GLIS3: variants seen among roughly 807,000 people sequenced by gnomAD.
GLIS3 encodes zinc finger protein GLIS3.
A neutral mutation model predicts 78.6 loss-of-function variants in GLIS3; 53 were observed. The ratio of observed to expected loss-of-function variants is 0.67; its 90% CI spans 0.54 to 0.85. GLIS3 has a LOEUF of 0.85. Among genes scored for constraint, GLIS3 ranks in the 40% least tolerant of loss-of-function variants. The pLI, the probability that GLIS3 is intolerant of heterozygous loss-of-function variation, is 0.00. For missense variants in GLIS3, 1,703 were observed against 1,231.1 expected (o/e 1.38, Z -5.74); for synonymous variants, 684 against 509.9 (o/e 1.34, Z -4.60).
intron 2 of GLIS3, among the ~76,000 whole-genome samples, chr9:4,328,844 C>T (rs1817640729): frequency 6.6e-6 from 1 of 152,214 alleles, no homozygotes; most frequent in African/African-American, 2.4e-5. Flanking sequence ...ACGTGACAAG[C>T]ATCCAATAAA....
chr9:3,991,453 T>C (rs906195330), intron 4 of GLIS3, among the ~76,000 whole-genome samples: 1 of 152,140 alleles, frequency 6.6e-6, no homozygotes, highest in African/African-American at 2.4e-5. Context: ...ACATAACAGC[T>C]GAAGTTGTGA....
the GLIS3 span, among the ~76,000 whole-genome samples, chr9:4,484,691 A>G: frequency 2.0e-5 from 3 of 152,108 alleles, no homozygotes; most frequent in Non-Finnish European, 1.5e-5. Context: ...TGCTGGGATT[A>G]TAGGCGTGAG....
chr9:4,132,102 T>C (rs151052529), intron 2 of GLIS3, among the ~76,000 whole-genome samples: 68 of 152,012 alleles, frequency 4.5e-4, no homozygotes, highest in African/African-American at 1.6e-3. Context: ...AAAAGTTTCC[T>C]GAAAACAAAC....
At chr9:4,011,138 A>C (rs528112772) in intron 4 of GLIS3, among the ~76,000 whole-genome samples, 1 of 152,250 alleles carries the variant, frequency 6.6e-6, no homozygotes, top group Admixed American at 6.5e-5. Context: ...CCTTTAGTAA[A>C]AGCAGAGTCC....
intron 4 of GLIS3, among the ~76,000 whole-genome samples, chr9:4,077,198 TTGAAATTAATAACCTTA>T (rs2130673815): frequency 6.6e-6 from 1 of 152,360 alleles, no homozygotes; most frequent in Non-Finnish European, 1.5e-5. Flanking sequence ...GTCAGCAACT[TTGAAATTAATAACCTTA>T]TAGCTTAATT....
intron 1 of GLIS3, chr9:4,347,228 G>C (rs1490884752): frequency 6.6e-6 from 1 of 152,182 alleles, no homozygotes; most frequent in Non-Finnish European, 1.5e-5. Context: ...GGAAGTGTCA[G>C]ACTCTTCTTA....
At chr9:4,415,042 T>A in the GLIS3 span, among the ~76,000 whole-genome samples, 1 of 152,250 alleles carries the variant, frequency 6.6e-6, no homozygotes, top group South Asian at 2.1e-4. Context: ...ATAAACTGTT[T>A]GAACTGCTTC....
intron 2 of GLIS3, among the ~76,000 whole-genome samples, chr9:4,171,214 T>A (rs1816344235): frequency 6.6e-6 from 1 of 152,194 alleles, no homozygotes; most frequent in South Asian, 2.1e-4. Flanking sequence ...CATATACATA[T>A]AAGTACACTC....
intron 2 of GLIS3, among the ~76,000 whole-genome samples, chr9:4,164,015 T>C (rs187633726): frequency 5.8e-4 from 89 of 152,350 alleles, no homozygotes; most frequent in Admixed American, 2.0e-3. Context: ...TTTAACCTTA[T>C]TTCATAATCT....
chr9:3,968,001 C>T (rs1276877991), intron 4 of GLIS3, among the ~76,000 whole-genome samples: 1 of 152,196 alleles, frequency 6.6e-6, no homozygotes, highest in African/African-American at 2.4e-5. Context: ...ATTACATTTT[C>T]CATTAACTCA....
the GLIS3 span, among the ~76,000 whole-genome samples, chr9:4,472,736 C>G: frequency 6.6e-6 from 1 of 151,906 alleles, no homozygotes; most frequent in East Asian, 1.9e-4. Context: ...TGCACATGTA[C>G]CCTAGAACTT....
intron 6 of GLIS3, among the ~76,000 whole-genome samples, chr9:3,918,600 G>C (rs1045402123): frequency 7.2e-5 from 11 of 152,098 alleles, no homozygotes; most frequent in African/African-American, 2.4e-4. Context: ...TGTCCTTTGA[G>C]ACTCTGACCC....
In GLIS3 at chr9:4,252,519, G is replaced by C. The variant is rs141320937; in HGVS notation, c.388+33519C>G. ...AGCAATTCCTCTAACCTTTTTTCAAGGTTCTTAAATTCCTTGCATTGGGTT... is the reference window on the plus strand; with the variant it reads ...AGCAATTCCTCTAACCTTTTTTCAACGTTCTTAAATTCCTTGCATTGGGTT... On this transcript the variant is annotated intron_variant, in intron 2 of 10. Transcript: ENST00000381971. Among the ~76,000 whole-genome samples, 729 of 151,986 alleles carry C rather than the reference G, an allele frequency of 4.8e-3. 21 individuals are homozygous for C. The highest frequency in any genetic ancestry group is 0.041 in the Admixed American group (633 of 15,278).
intron 2 of GLIS3, among the ~76,000 whole-genome samples, chr9:4,173,689 T>C (rs887809246): frequency 3.4e-4 from 52 of 151,846 alleles, no homozygotes; most frequent in African/African-American, 1.2e-3. Context: ...CTCAACCTCC[T>C]GGGATCAAAA....
chr9:4,301,170 T>C (rs1352010610), upstream of GLIS3, among the ~76,000 whole-genome samples: 3 of 152,168 alleles, frequency 2.0e-5, no homozygotes, highest in Admixed American at 2.0e-4. Flanking sequence ...AAAAGAAGCC[T>C]GGTTTCCACA....
the GLIS3 span, among the ~76,000 whole-genome samples, chr9:4,363,372 G>T: frequency 6.6e-6 from 1 of 152,274 alleles, no homozygotes; most frequent in Admixed American, 6.5e-5. Flanking sequence ...GCAGTGAGCT[G>T]AGATGGCACC....
intron 2 of GLIS3, among the ~76,000 whole-genome samples, chr9:4,217,183 A>C (rs1240008262): frequency 1.3e-5 from 2 of 152,220 alleles, no homozygotes; most frequent in Non-Finnish European, 2.9e-5. Context: ...TCATGAACCC[A>C]AAACCCTAGC....
At chr9:3,891,036 C>G (rs1317823004) in intron 7 of GLIS3, among the ~76,000 whole-genome samples, 1 of 133,874 alleles carries the variant, frequency 7.5e-6, no homozygotes, top group Admixed American at 8.2e-5. Flanking sequence ...TATTCCCAAA[C>G]TTTTAGGCTT....
upstream of GLIS3, among the ~76,000 whole-genome samples, chr9:4,302,739 C>A (rs1166042838): frequency 1.3e-5 from 2 of 152,190 alleles, no homozygotes; most frequent in African/African-American, 4.8e-5. Flanking sequence ...TGTGCATGCT[C>A]TTTGAATGTG....
Sources: allele counts gnomAD v4.1 joint callset (sites outside exome capture counted in the v4.1 genomes callset), GRCh38; gene constraint gnomAD v4.1.1; transcripts MANE v1.5; gene names NCBI Gene and HGNC (gene_info 2026-07-23, HGNC 2026-07-21).